The following EXOC6 variants were observed in gnomAD, a reference collection of about 807,000 sequenced individuals.
The protein encoded by EXOC6 is exocyst complex component 6.
Under a neutral mutation model 112.5 loss-of-function variants are expected in EXOC6, and 60 were observed. The ratio of observed to expected loss-of-function variants is 0.53; its 90% confidence interval spans 0.43 to 0.66. EXOC6 has a LOEUF of 0.66. Ranked by LOEUF, EXOC6 falls within the 30% of genes least tolerant of loss-of-function variation. The pLI is 0.00. For missense variants in EXOC6, 855 were observed against 957.1 expected (o/e 0.89, Z 1.41); for synonymous variants, 295 against 308.0 (o/e 0.96, Z 0.44).
chr10:92,831,142 G>A (rs1488251376), upstream of EXOC6, among the ~76,000 whole-genome samples: 1 of 150,788 alleles, frequency 6.6e-6, no homozygotes, highest in African/African-American at 2.4e-5. Context: ...CTCCTACGGT[G>A]TAGAAGAAAG....
intron 18 of EXOC6, among the ~76,000 whole-genome samples, chr10:92,977,322 C>T (rs746594633): frequency 2.0e-5 from 3 of 151,868 alleles, no homozygotes; most frequent in Non-Finnish European, 2.9e-5. Flanking sequence ...TCAGAAACTG[C>T]TTCAAAGAAC....
At chr10:92,888,250 T>G (rs1404171304) in intron 1 of EXOC6, among the ~76,000 whole-genome samples, 1 of 152,174 alleles carries the variant, frequency 6.6e-6, no homozygotes, top group Middle Eastern at 3.2e-3. Flanking sequence ...AAAAATATTG[T>G]TTTTCTCCAT....
intron 7 of EXOC6, among the ~76,000 whole-genome samples, chr10:92,917,829 CA>C: frequency 6.6e-6 from 1 of 152,314 alleles, no homozygotes; most frequent in East Asian, 1.9e-4. Flanking sequence ...TGTGAGCCAC[CA>C]TGCCCGGCAT....
At chr10:92,959,660 A>G (rs1853879255) in intron 17 of EXOC6, among the ~76,000 whole-genome samples, 1 of 152,236 alleles carries the variant, frequency 6.6e-6, no homozygotes, top group Non-Finnish European at 1.5e-5. Context: ...CTAAAACTCA[A>G]TGAGAAGAAA....
At chr10:92,964,806 C>T (rs1841977583) in intron 17 of EXOC6, among the ~76,000 whole-genome samples, 1 of 152,190 alleles carries the variant, frequency 6.6e-6, no homozygotes, top group Admixed American at 6.6e-5. Context: ...GTCTCTCCAT[C>T]TTTTAACTCT....
At chr10:92,926,265 G>GA (rs1423104630) in intron 8 of EXOC6, among the ~76,000 whole-genome samples, 6 of 151,132 alleles carry the variant, frequency 4.0e-5, no homozygotes, top group East Asian at 1.9e-4. Flanking sequence ...TCACTCAGAA[G>GA]AAAAAAAACC....
At chr10:92,996,091 G>A (rs571442380) in intron 18 of EXOC6, among the ~76,000 whole-genome samples, 129 of 152,250 alleles carry the variant, frequency 8.5e-4, no homozygotes, top group Admixed American at 5.9e-3. Flanking sequence ...TCTGGCCTTT[G>A]AGATAAGTAG....
In EXOC6 at chr10:93,030,199, C is replaced by T. The variant is rs992780910; in HGVS notation, c.2169+15932C>T. On this transcript the variant is annotated intron_variant, in intron 20 of 21. Coordinates refer to ENST00000260762, the MANE Select transcript of EXOC6 (RefSeq NM_019053.6). ...CTGAGATTACAGGCCTGAGCCACCGCGACTAGCCTAGTTTTTTCTGTTTAG... is the reference window on the plus strand; with the variant it reads ...CTGAGATTACAGGCCTGAGCCACCGTGACTAGCCTAGTTTTTTCTGTTTAG... 4.6e-5 allele frequency among the ~76,000 whole-genome samples: 7 copies of T among 152,118 alleles called. No homozygotes were observed. In the East Asian group the frequency reaches 7.7e-4, roughly 17 times the overall value.
intron 7 of EXOC6, 115 bp from the exon 8 acceptor site, chr10:92,919,867 A>G (rs1851327349): frequency 3.3e-6 from 2 of 597,192 alleles, no homozygotes; most frequent in East Asian, 3.1e-5. Flanking sequence ...GGGGAATTGA[A>G]TAAATGTTGT....
chr10:92,832,453 T>C (rs1335283967), upstream of EXOC6, among the ~76,000 whole-genome samples: 4 of 152,060 alleles, frequency 2.6e-5, no homozygotes, highest in Non-Finnish European at 5.9e-5. Context: ...AATTTTTTAA[T>C]TTTTAGTAGA....
intron 21 of EXOC6, among the ~76,000 whole-genome samples, chr10:93,057,946 A>G (rs925066516): frequency 2.0e-5 from 3 of 152,194 alleles, no homozygotes; most frequent in Non-Finnish European, 4.4e-5. Context: ...TTTGTGGAAT[A>G]ATATTAGAAA....
At chr10:93,022,779 G>A (rs1385794705) in intron 20 of EXOC6, among the ~76,000 whole-genome samples, 2 of 150,550 alleles carry the variant, frequency 1.3e-5, no homozygotes, top group African/African-American at 2.4e-5. Context: ...TCTCACATGA[G>A]GTGATAAAAG....
At chr10:92,870,868 C>T (rs1470090292) in intron 1 of EXOC6, among the ~76,000 whole-genome samples, 1 of 152,088 alleles carries the variant, frequency 6.6e-6, no homozygotes, top group East Asian at 1.9e-4. Context: ...CGCCACCACG[C>T]CCAGCTAATT....
chr10:92,934,190 G>A lies in EXOC6; in HGVS notation c.1019G>A (p.Gly340Glu). Reference protein sequence around the residue: ...GYRRYFTQIVGFFVVEDHILH... With the variant: ...GYRRYFTQIVEFFVVEDHILH... ...AGAAGATATTTCACTCAAATTGTAG[G>A]GTATGTATCTAATATGGAAATAACT... Residue 340 changes from glycine (G) to glutamate (E), a missense_variant and splice_region_variant, in exon 10 of 22, where the codon GGG (glycine) becomes GAG (glutamate). Around this residue, in one of 2 missense-constraint regions of EXOC6, gnomAD observed 450 missense variants for 563.5 expected, o/e 0.80. Transcript: ENST00000260762. 6.5e-7 allele frequency: 1 copy of A among 1,541,436 alleles called. No homozygotes were observed. The highest frequency in any genetic ancestry group is 8.9e-7 in the Non-Finnish European group (1 of 1,129,242).
chr10:92,883,175 A>G (rs186993179), intron 1 of EXOC6, among the ~76,000 whole-genome samples: 1 of 152,344 alleles, frequency 6.6e-6, no homozygotes, highest in East Asian at 1.9e-4. Flanking sequence ...ATTGTGAACT[A>G]ATTTGTTGCA....
At chr10:92,843,340 C>A (rs1170605555) in intron 1 of EXOC6, among the ~76,000 whole-genome samples, 1 of 152,172 alleles carries the variant, frequency 6.6e-6, no homozygotes, top group Non-Finnish European at 1.5e-5. Flanking sequence ...ACATCTGAAA[C>A]GAGTGGCTAA....
At chr10:93,042,404 T>G (rs555030008) in intron 20 of EXOC6, among the ~76,000 whole-genome samples, 2 of 152,374 alleles carry the variant, frequency 1.3e-5, no homozygotes, top group East Asian at 3.9e-4. Context: ...TGTGTGAATA[T>G]CTTTCCCTTT....
In EXOC6 at chr10:92,975,290, C is replaced by T. The variant is rs529090991; in HGVS notation, c.1953+1058C>T. On this transcript the variant is annotated intron_variant, in intron 18 of 21. Transcript: ENST00000260762. ...CTGGGAGGTGAGGAGCGTCTCTGCTCGGCCGCCCCGTCTGAGAAGTGAGGA... is the reference window on the plus strand; with the variant it reads ...CTGGGAGGTGAGGAGCGTCTCTGCTTGGCCGCCCCGTCTGAGAAGTGAGGA... 9.7e-3 allele frequency among the ~76,000 whole-genome samples: 1,464 copies of T among 151,492 alleles called. 31 individuals carry two copies. The highest frequency in any genetic ancestry group is 0.033 in the African/African-American group (1,377 of 41,148).
chr10:92,939,734 C>T (rs1852551100), intron 12 of EXOC6, among the ~76,000 whole-genome samples: 1 of 152,038 alleles, frequency 6.6e-6, no homozygotes, highest in Non-Finnish European at 1.5e-5. Flanking sequence ...ATAGAAGTTA[C>T]ACAAGGAAAC....
Sources: allele counts gnomAD v4.1 joint callset (sites outside exome capture counted in the v4.1 genomes callset), GRCh38; gene constraint gnomAD v4.1.1; regional missense constraint gnomAD v4.1.1; transcripts MANE v1.5; gene names NCBI Gene and HGNC (gene_info 2026-07-23, HGNC 2026-07-21).